Variants in CHD2 observed in about 807,000 individuals in gnomAD.
CHD2 encodes ATP-dependent chromatin remodeler CHD2.
A neutral mutation model predicts 243.9 loss-of-function variants in CHD2; 28 were observed. The ratio of observed to expected loss-of-function variants is 0.11; its 90% CI spans 0.09 to 0.16. The LOEUF is 0.16. Ranked by LOEUF, CHD2 falls within the 10% of genes least tolerant of loss-of-function variation. The probability of loss-of-function intolerance (pLI) is 1.00; values close to 1 mark genes in which losing one functional copy is unlikely to be tolerated. For synonymous variants in CHD2, 775 were observed against 779.0 expected (o/e 0.99, Z 0.09); for missense variants, 1,386 against 2,209.8 (o/e 0.63, Z 7.47).
chr15:92,964,040 T>C (rs540846700), intron 16 of CHD2, among the ~76,000 whole-genome samples: 16 of 152,378 alleles, frequency 1.1e-4, no homozygotes, highest in African/African-American at 3.6e-4. Context: ...ATTAAGTAGC[T>C]GTGGCATTCC....
intron 17 of CHD2, 21 bp from the exon 18 acceptor site, chr15:92,971,744 C>T: frequency 6.2e-7 from 1 of 1,606,666 alleles, no homozygotes; most frequent in East Asian, 2.2e-5. Context: ...CTAGTAGTAT[C>T]ATTATCATTT....
intron 2 of CHD2, chr15:92,921,381 T>C (rs1362771205): frequency 6.6e-6 from 1 of 152,166 alleles, no homozygotes; most frequent in African/African-American, 2.4e-5. Flanking sequence ...TTGGATGTTA[T>C]CAGTGACCAG....
At chr15:92,977,339 G>A (rs1322220607) in intron 20 of CHD2, among the ~76,000 whole-genome samples, 1 of 152,162 alleles carries the variant, frequency 6.6e-6, no homozygotes, top group Non-Finnish European at 1.5e-5. Flanking sequence ...GTGACTATTA[G>A]AACATGGAGA....
intron 33 of CHD2, chr15:93,004,365 C>A: frequency 3.0e-6 from 1 of 330,402 alleles, no homozygotes; most frequent in South Asian, 7.0e-5. Flanking sequence ...AGTAAGAAGC[C>A]CAAAAATAGC....
At chr15:92,993,876 A>C (rs1230151604) in intron 28 of CHD2, among the ~76,000 whole-genome samples, 1 of 152,186 alleles carries the variant, frequency 6.6e-6, no homozygotes, top group African/African-American at 2.4e-5. Context: ...TGAGACCAGG[A>C]GGCAGAGGCT....
intron 26 of CHD2, among the ~76,000 whole-genome samples, chr15:92,989,970 C>T (rs74469971): frequency 0.018 from 2,731 of 152,298 alleles, 83 homozygotes; most frequent in African/African-American, 0.062. Flanking sequence ...ATCTTTCCTC[C>T]CAGTTTTTCT....
chr15:92,913,826 C>T (rs1430756781), intron 2 of CHD2, among the ~76,000 whole-genome samples: 2 of 152,138 alleles, frequency 1.3e-5, no homozygotes, highest in Non-Finnish European at 2.9e-5. Flanking sequence ...GCACTCCATC[C>T]TGGGCAACTG....
At chr15:92,940,264 G>A (rs897898935) in intron 7 of CHD2, among the ~76,000 whole-genome samples, 4 of 152,110 alleles carry the variant, frequency 2.6e-5, no homozygotes, top group Non-Finnish European at 4.4e-5. Context: ...GACCAGCCTA[G>A]ACAACAGGGC....
chr15:92,948,965 G>A lies in CHD2; in HGVS notation c.1391G>A (p.Arg464Lys). The A allele has an allele frequency of 6.2e-7, 1 of 1,613,496 alleles. No individual in the cohort carries two copies. Among genetic ancestry groups the A allele is most frequent in the Non-Finnish European group, 8.5e-7 (1 of 1,179,860 alleles). The change falls in exon 13 of 39, where the codon AGA (arginine) becomes AAA (lysine). Residue 464 changes from arginine (R) to lysine (K), a missense_variant. By Grantham distance (26) the Arg-to-Lys change is conservative (BLOSUM62 2). Coordinates refer to ENST00000394196, the MANE Select transcript of CHD2 (RefSeq NM_001271.4). ...TTTGTTTTTCAGGCCCTGAAGCAGAGACCACGATTTGTAGCTTTAAAGAAA... is the reference window on the plus strand; with the variant it reads ...TTTGTTTTTCAGGCCCTGAAGCAGAAACCACGATTTGTAGCTTTAAAGAAA... Reference protein sequence around the residue: ...PTRECKALKQRPRFVALKKQP... With the variant: ...PTRECKALKQKPRFVALKKQP...
intron 16 of CHD2, among the ~76,000 whole-genome samples, chr15:92,961,822 C>G (rs1036773452): frequency 6.7e-6 from 1 of 149,066 alleles, no homozygotes; most frequent in Non-Finnish European, 1.5e-5. Flanking sequence ...AATTTTGATG[C>G]TCTCAAAGAA....
At chr15:92,927,637 A>G (rs892839781) in intron 4 of CHD2, among the ~76,000 whole-genome samples, 3 of 152,186 alleles carry the variant, frequency 2.0e-5, no homozygotes, top group African/African-American at 7.2e-5. Flanking sequence ...CAAGAAGTTT[A>G]CCTTTTTAAG....
chr15:93,008,307 G>A (rs561377807), intron 34 of CHD2, among the ~76,000 whole-genome samples: 10 of 152,270 alleles, frequency 6.6e-5, no homozygotes, highest in African/African-American at 1.9e-4. Context: ...GTGCAGTCCC[G>A]CTCAGAGGTC....
chr15:93,024,679 T>G lies in CHD2; in HGVS notation c.5461T>G (p.Tyr1821Asp). 1 of 1,612,362 alleles carries G rather than the reference T, an allele frequency of 6.2e-7. No individual in the cohort carries two copies. Reference protein sequence around the residue: ...RSLEQKNNPDYNWNVRKT With the variant: ...RSLEQKNNPDDNWNVRKT ...ACTAGAACAGAAAAACAACCCAGAT[T>G]ATAACTGGAATGTTCGGAAAACATA... The change falls in exon 39 of 39, where the codon TAT becomes GAT. Residue 1821 changes from tyrosine to aspartate, a missense_variant. Tyr to Asp is a radical substitution (Grantham distance 160, BLOSUM62 -3). Coordinates refer to ENST00000394196, the MANE Select transcript of CHD2 (RefSeq NM_001271.4).
chr15:92,936,948 T>A (rs983273487), intron 5 of CHD2, among the ~76,000 whole-genome samples: 1 of 151,906 alleles, frequency 6.6e-6, no homozygotes, highest in Non-Finnish European at 1.5e-5. Context: ...AACTCCTGGG[T>A]TCAAGTGATC....
chr15:92,947,849 A>G (rs1469485546), intron 12 of CHD2, among the ~76,000 whole-genome samples: 3 of 152,208 alleles, frequency 2.0e-5, no homozygotes, highest in African/African-American at 7.2e-5. Flanking sequence ...TAACCTTATC[A>G]AATATTCTTA....
intron 17 of CHD2, 45 bp from the exon 18 acceptor site, chr15:92,971,720 C>T (rs768839795): frequency 1.9e-6 from 3 of 1,555,016 alleles, no homozygotes; most frequent in South Asian, 2.4e-5. Flanking sequence ...CTACAACTTT[C>T]TGTTTTTTTG....
rs2054437551 is a variant in CHD2, at chr15:93,014,819, C to T, written c.4816C>T (p.Pro1606Ser). 1 of 1,614,190 alleles carries T rather than the reference C, an allele frequency of 6.2e-7. No individual in the cohort carries two copies. The highest frequency in any genetic ancestry group is 1.1e-5 in the South Asian group (1 of 91,080). ...CTCACACAACCTTCACCCTCAGAAG[C>T]CTCATTTGCCTGCCTCCCATGGCCC... Reference protein sequence around the residue: ...HTSHNLHPQKPHLPASHGPQM... With the variant: ...HTSHNLHPQKSHLPASHGPQM... Residue 1606 changes from proline (P) to serine (S), a missense_variant, in exon 37 of 39, where the codon CCT becomes TCT. Coordinates refer to ENST00000394196, the MANE Select transcript of CHD2 (RefSeq NM_001271.4).
At chr15:92,933,245 A>G (rs979713851) in intron 5 of CHD2, among the ~76,000 whole-genome samples, 30 of 152,182 alleles carry the variant, frequency 2.0e-4, no homozygotes, top group African/African-American at 7.2e-4. Flanking sequence ...TATACAGCAC[A>G]ATGGACCTGC....
intron 2 of CHD2, among the ~76,000 whole-genome samples, chr15:92,919,343 G>A (rs369621833): frequency 6.6e-5 from 10 of 150,716 alleles, no homozygotes; most frequent in African/African-American, 2.4e-4. Flanking sequence ...CCCCTCATTA[G>A]TACTTGTATT....
Sources: allele counts gnomAD v4.1 joint callset (sites outside exome capture counted in the v4.1 genomes callset), GRCh38; gene constraint gnomAD v4.1.1; transcripts MANE v1.5; gene names NCBI Gene and HGNC (gene_info 2026-07-23, HGNC 2026-07-21).